The following CEP120 variants were observed in gnomAD, a reference collection of about 807,000 sequenced individuals.
The protein encoded by CEP120 is centrosomal protein 120, also known as centrosomal protein of 120 kDa.
In CEP120, 113 loss-of-function variants were observed where a neutral mutation model predicts 126.5. That is an observed-to-expected ratio of 0.89 (90% CI 0.77 to 1.04). CEP120 has a LOEUF of 1.04. Ranked by LOEUF, CEP120 falls within the 50% of genes least tolerant of loss-of-function variation. The probability of loss-of-function intolerance (pLI) is 0.00; values close to 1 mark genes in which losing one functional copy is unlikely to be tolerated. For missense variants in CEP120, 1,230 were observed against 1,155.7 expected, an observed-to-expected ratio of 1.06 and a Z score of -0.93; for synonymous variants, 400 against 394.3, an observed-to-expected ratio of 1.01 and a Z score of -0.17.
At chr5:123,392,710 A>G (rs905118451) in intron 6 of CEP120, among the ~76,000 whole-genome samples, 3 of 152,092 alleles carry the variant, frequency 2.0e-5, no homozygotes, top group African/African-American at 7.2e-5. Context: ...GGGTCTTGCT[A>G]TGTTGCCCAG....
chr5:123,409,754 T>C (rs1416567569), intron 4 of CEP120, among the ~76,000 whole-genome samples: 1 of 151,910 alleles, frequency 6.6e-6, no homozygotes, highest in Admixed American at 6.6e-5. Flanking sequence ...GGTCAGTAGT[T>C]TGAGAATGGC....
At chr5:123,396,626 C>G (rs1458526474) in intron 5 of CEP120, among the ~76,000 whole-genome samples, 1 of 152,128 alleles carries the variant, frequency 6.6e-6, no homozygotes, top group Non-Finnish European at 1.5e-5. Context: ...TCATGCACAA[C>G]TGAAAAGATG....
intron 5 of CEP120, among the ~76,000 whole-genome samples, chr5:123,394,492 C>G (rs965921179): frequency 3.3e-5 from 5 of 152,158 alleles, no homozygotes; most frequent in Admixed American, 6.5e-5. Flanking sequence ...GAGCTCGGGC[C>G]CTAATGCTCA....
At chr5:123,391,525 A>G (rs896789991) in intron 6 of CEP120, among the ~76,000 whole-genome samples, 188 bp from the exon 7 acceptor site, 5 of 152,340 alleles carry the variant, frequency 3.3e-5, no homozygotes, top group African/African-American at 7.2e-5. Context: ...GATAAAACAC[A>G]AAGTTTACTA....
chr5:123,377,005 A>T (rs543077678), intron 16 of CEP120, among the ~76,000 whole-genome samples: 1 of 152,096 alleles, frequency 6.6e-6, no homozygotes, highest in Non-Finnish European at 1.5e-5. Context: ...GATGATACCA[A>T]TCAGTTTTAC....
In CEP120 at chr5:123,382,173, G is replaced by A; in HGVS notation, c.2041C>T (p.Gln681Ter). 1 of 1,608,562 alleles carries A rather than the reference G, an allele frequency of 6.2e-7. No individual in the cohort carries two copies. Among genetic ancestry groups the A allele is most frequent in the Non-Finnish European group, 8.5e-7 (1 of 1,177,562 alleles). Residue 681 changes from glutamine (Q) to a stop codon, truncating the protein, a stop_gained, in exon 14 of 20, where the codon CAG becomes TAG. Transcript: ENST00000306467. LOFTEE classifies it high-confidence loss of function. ...TTCTTCCATTCCTCTGCAAGAGCCT[G>A]CATATGAGCCAGTTCTTTCTGCTTC... The part of the protein sequence containing the change: ...QLKQKELAHM[Q>*]ALAEEWKKRD...
intron 18 of CEP120, among the ~76,000 whole-genome samples, chr5:123,354,722 CTTAG>C (rs961235906): frequency 6.6e-6 from 1 of 151,924 alleles, no homozygotes; most frequent in Admixed American, 6.6e-5. Flanking sequence ...CTTTCTCTTA[CTTAG>C]TATTATTGTA....
At chr5:123,410,502 G>C (rs1035592472) in intron 4 of CEP120, among the ~76,000 whole-genome samples, 2 of 152,186 alleles carry the variant, frequency 1.3e-5, no homozygotes, top group Non-Finnish European at 2.9e-5. Context: ...GATCAATGGA[G>C]CATAATAAAG....
At position 123,401,245 on chromosome 5, in the gene CEP120, T is replaced by C. The variant is rs1324471607; in HGVS notation, c.464-1961A>G. On this transcript the variant is annotated intron_variant, in intron 4 of 19. Coordinates refer to ENST00000306467, the MANE Select transcript of CEP120 (RefSeq NM_001375405.1). The stretch of plus-strand genomic sequence containing the variant: ...TGGTACTCACGCAGCTGCCACGCCA[T>C]GTCCTGCTTGGCCCGCTGCAGGGCG... 1.6e-5 allele frequency: 26 copies of C among 1,611,360 alleles called. No individual in the cohort carries two copies. In the Admixed American group the frequency reaches 3.3e-4, roughly 21 times the overall value.
rs767210747 is a variant in CEP120, at chr5:123,364,466, TATAAAAAGA to T, written c.2580+21_2580+29del. 12 of 1,433,302 alleles carry T rather than the reference TATAAAAAGA, an allele frequency of 8.4e-6. No individual in the cohort carries two copies. In the Admixed American group the frequency reaches 2.1e-4, roughly 25 times the overall value. The allele number at this position is 1,433,302 out of a possible 1,614,324, so 88.8% of individuals were successfully genotyped here. A position where few individuals can be genotyped will look rare whatever the true frequency, so the allele number is the denominator to read the frequency against. On this transcript the variant is annotated intron_variant, in intron 18 of 19. Transcript: ENST00000306467. Reference sequence around the variant, plus strand: ...TTTGCAAAGAAACAAGGGAAAAAGATATAAAAAGAATAAGCTATAAACTACATACCTGTT... The same window carrying T: ...TTTGCAAAGAAACAAGGGAAAAAGATATAAGCTATAAACTACATACCTGTT...
At chr5:123,412,567 C>A in intron 3 of CEP120, 27 bp from the exon 4 acceptor site, 1 of 1,533,238 alleles carries the variant, frequency 6.5e-7, no homozygotes, top group Non-Finnish European at 8.8e-7. Context: ...TAACAAAACA[C>A]CTAATAGTTA....
chr5:123,418,299 T>TTA, intron 2 of CEP120, 60 bp downstream of exon 2: 1 of 1,449,076 alleles, frequency 6.9e-7, no homozygotes, highest in East Asian at 2.3e-5. Flanking sequence ...ACTGTATTTA[T>TTA]TTATAACAGC....
intron 4 of CEP120, among the ~76,000 whole-genome samples, chr5:123,410,909 G>A (rs564828771): frequency 1.3e-5 from 2 of 152,090 alleles, no homozygotes; most frequent in Admixed American, 1.3e-4. Context: ...GCCACATACT[G>A]GGAAAACATA....
intron 1 of CEP120, among the ~76,000 whole-genome samples, chr5:123,422,090 A>G (rs1401146268): frequency 6.6e-6 from 1 of 152,170 alleles, no homozygotes; most frequent in Non-Finnish European, 1.5e-5. Flanking sequence ...CTGTTCTCCA[A>G]CCACACTGAA....
chr5:123,388,902 TATTTCCAA>T (rs1167372081), intron 8 of CEP120, among the ~76,000 whole-genome samples: 1 of 152,212 alleles, frequency 6.6e-6, no homozygotes, highest in Non-Finnish European at 1.5e-5. Flanking sequence ...GGCACTAACT[TATTTCCAA>T]GAGGCACATA....
intron 16 of CEP120, among the ~76,000 whole-genome samples, chr5:123,375,588 GTT>G (rs56730992): frequency 0.41 from 61,810 of 151,758 alleles, 12,628 homozygotes; most frequent in East Asian, 0.48. Context: ...CTCCGAAAGT[GTT>G]GGGATTACAA....
Position 123,423,314 on chromosome 5 carries a change from C to CAA in CEP120, c.-317_-316insTT. 2.6e-6 allele frequency: 1 copy of CAA among 382,698 alleles called. No individual in the cohort carries two copies. Among genetic ancestry groups the CAA allele is most frequent in the Non-Finnish European group, 4.7e-6 (1 of 211,798 alleles). The allele number at this position is 382,698 out of a possible 1,614,324, so 23.7% of individuals were successfully genotyped here. ...GCCTGCGTAGCCGCTTTTCAAACGC[C>CAA]CGGGCGGCCGCAGCGGCCGCCGCCG... On this transcript the variant is annotated 5_prime_UTR_variant, in exon 1 of 20. Transcript: ENST00000306467.
chr5:123,362,710 T>C (rs1770177630), intron 18 of CEP120, among the ~76,000 whole-genome samples: 3 of 151,660 alleles, frequency 2.0e-5, no homozygotes, highest in Admixed American at 1.3e-4. Context: ...ATTTCCTTCA[T>C]TAGCTTTCTT....
At position 123,382,808 on chromosome 5, in the gene CEP120, T is replaced by G. The variant is rs199951702; in HGVS notation, c.1942A>C (p.Thr648Pro). The change falls in exon 13 of 20, where the codon ACG (threonine) becomes CCG (proline). Residue 648 changes from threonine to proline, a missense_variant. Physicochemically the swap from Thr to Pro is conservative, Grantham distance 38. Transcript: ENST00000306467. ...TCAAGTGCTGCTTTGTATTCTAACG[T>G]TTCACGAGGCTCTGTCTGGATCTCT... ...PSEIQTEPRE[T>P]LEYKAALELE... 6.2e-7 allele frequency: 1 copy of G among 1,613,504 alleles called. No individual in the cohort carries two copies. Among genetic ancestry groups the G allele is most frequent in the African/African-American group, 1.3e-5 (1 of 75,020 alleles).
Sources: allele counts gnomAD v4.1 joint callset (sites outside exome capture counted in the v4.1 genomes callset), GRCh38; gene constraint gnomAD v4.1.1; transcripts MANE v1.5; gene names NCBI Gene and HGNC (gene_info 2026-07-23, HGNC 2026-07-21).